CHD7: variants seen among roughly 807,000 people sequenced by gnomAD.
CHD7 encodes the protein chromodomain helicase DNA binding protein 7.
Under a neutral mutation model 307.3 loss-of-function variants are expected in CHD7, and 24 were observed. That is an observed-to-expected ratio of 0.08 (90% CI 0.06 to 0.11). The LOEUF (loss-of-function observed/expected upper bound fraction) is 0.11. Ranked by LOEUF, CHD7 falls within the 10% of genes least tolerant of loss-of-function variation. The pLI is 1.00. For synonymous variants in CHD7, 1,363 were observed against 1,349.9 expected (o/e 1.01, Z -0.21); for missense variants, 3,106 against 3,727.1 (o/e 0.83, Z 4.34).
intron 23 of CHD7, among the ~76,000 whole-genome samples, chr8:60,846,810 C>A (rs566612522): frequency 6.6e-6 from 1 of 152,312 alleles, no homozygotes; most frequent in South Asian, 2.1e-4. Flanking sequence ...AGTTGAGTAA[C>A]CTCCTCAAGG....
At chr8:60,782,241 A>G (rs1264867822) in intron 3 of CHD7, among the ~76,000 whole-genome samples, 1 of 152,170 alleles carries the variant, frequency 6.6e-6, no homozygotes, top group East Asian at 1.9e-4. Flanking sequence ...GTTAATCCGA[A>G]TCTGTTTGCA....
At chr8:60,848,906 C>G (rs2150801286) in intron 24 of CHD7, 145 bp from the exon 25 acceptor site, 1 of 707,470 alleles carries the variant, frequency 1.4e-6, no homozygotes, top group South Asian at 1.7e-5. Context: ...GCTACTGACT[C>G]ATGCCCTTTC....
chr8:60,678,958 G>A lies in CHD7; in HGVS notation c.-299G>A. On this transcript the variant is annotated 5_prime_UTR_variant, in exon 1 of 38. Coordinates refer to ENST00000423902, the MANE Select transcript of CHD7 (RefSeq NM_017780.4). ...CCTGAAACTCACCAGAGACCCGTTC[G>A]CCCCCGGCCAACTCCGTGCCCGTGG... The A allele has an allele frequency of 6.6e-6, 1 of 151,904 alleles. No homozygotes were observed. The highest frequency in any genetic ancestry group is 2.0e-4 in the South Asian group (1 of 5,110). The allele number at this position is 151,904 out of a possible 1,614,324, so 9.4% of individuals were successfully genotyped here.
At chr8:60,779,278 C>A (rs1311286264) in intron 2 of CHD7, among the ~76,000 whole-genome samples, 2 of 152,140 alleles carry the variant, frequency 1.3e-5, no homozygotes, top group Non-Finnish European at 2.9e-5. Flanking sequence ...GAATTTTAAT[C>A]TCTTAACTCA....
intron 14 of CHD7, among the ~76,000 whole-genome samples, 190 bp from the exon 15 acceptor site, chr8:60,830,132 A>G (rs1030045938): frequency 6.6e-6 from 1 of 152,234 alleles, no homozygotes; most frequent in Non-Finnish European, 1.5e-5. Context: ...TTCATTTGAC[A>G]TAAAATTATG....
Position 60,865,299 on chromosome 8 carries a change from G to C in CHD7, c.8360G>C (p.Gly2787Ala). 1 of 1,610,648 alleles carries C rather than the reference G, an allele frequency of 6.2e-7. No individual in the cohort carries two copies. The change falls in exon 38 of 38, where the codon GGC becomes GCC. Residue 2787 changes from glycine (G) to alanine (A), a missense_variant. Transcript: ENST00000423902. The surrounding 1 kb of genome is among the most constrained non-coding windows in gnomAD (Gnocchi z 4.3). ...CTGGCAACAGCTGCCACCGCCGGAG[G>C]CGATGCGAAGAACCCTGCTGCTGTG... ...PGLATAATAGGDAKNPAAVLP... is the reference protein window; with the variant it reads ...PGLATAATAGADAKNPAAVLP...
At chr8:60,848,783 G>A (rs1290080648) in intron 24 of CHD7, among the ~76,000 whole-genome samples, 179 bp downstream of exon 24, 1 of 152,144 alleles carries the variant, frequency 6.6e-6, no homozygotes, top group East Asian at 1.9e-4. Context: ...GGAAAAGGCT[G>A]TTTGCATTTA....
intron 2 of CHD7, among the ~76,000 whole-genome samples, chr8:60,747,100 G>A (rs767279984): frequency 7.9e-5 from 12 of 152,076 alleles, no homozygotes; most frequent in Non-Finnish European, 1.5e-4. Context: ...TTTTTGAGAC[G>A]GAGTCTTACT....
rs542880173 is a variant in CHD7, at chr8:60,854,438, G to A, written c.6851G>A (p.Arg2284Gln). 5.6e-6 allele frequency: 9 copies of A among 1,613,708 alleles called. No homozygotes were observed. Among genetic ancestry groups the A allele is most frequent in the Admixed American group, 1.7e-5 (1 of 59,994 alleles). Residue 2284 changes from arginine to glutamine, a missense_variant, in exon 32 of 38, where the codon CGA becomes CAA. Arg to Gln is a conservative substitution (Grantham distance 43). This residue lies in a region of CHD7 where 1,030 missense variants were observed against 1,165.4 expected (regional missense o/e 0.88). Transcript: ENST00000423902. ...ATGAGCACTGCTAGAGATGAAACCC[G>A]AGATGGATTCTACATGGAGGACGGA... ...ASMSTARDET[R>Q]DGFYMEDGDP...
At chr8:60,855,870 A>C in intron 32 of CHD7, 105 bp from the exon 33 acceptor site, 3 of 721,042 alleles carry the variant, frequency 4.2e-6, no homozygotes, top group South Asian at 3.8e-5. Flanking sequence ...CCTCCAGTTG[A>C]CTTTTAAACA....
chr8:60,683,122 G>T (rs534186876), intron 1 of CHD7, among the ~76,000 whole-genome samples: 6 of 152,294 alleles, frequency 3.9e-5, no homozygotes, highest in Non-Finnish European at 8.8e-5. Flanking sequence ...TGGAAATTCA[G>T]AATTTAGCAT....
At chr8:60,709,892 T>A (rs942846201) in intron 1 of CHD7, among the ~76,000 whole-genome samples, 9 of 152,214 alleles carry the variant, frequency 5.9e-5, no homozygotes, top group African/African-American at 2.2e-4. Flanking sequence ...TGTCTTATAG[T>A]AATAATTTGT....
chr8:60,723,925 A>C (rs907530413), intron 1 of CHD7, among the ~76,000 whole-genome samples: 1 of 152,268 alleles, frequency 6.6e-6, no homozygotes, highest in Admixed American at 6.5e-5. Flanking sequence ...CACAGGACCC[A>C]GCACCATGCA....
rs746633621 is a variant in CHD7, at chr8:60,781,061, C to T, written c.1727C>T (p.Pro576Leu). 2.7e-5 allele frequency: 44 copies of T among 1,609,328 alleles called. No individual in the cohort carries two copies. The highest frequency in any genetic ancestry group is 6.7e-5 in the Admixed American group (4 of 59,274). Reference protein sequence around the residue: ...PVPDMTQVSGPNAQLVKSDDY... With the variant: ...PVPDMTQVSGLNAQLVKSDDY... Reference sequence around the variant, plus strand: ...CCGGATATGACTCAGGTTAGTGGACCGAATGCTCAGCTAGTGAAGAGTGAT... The same window carrying T: ...CCGGATATGACTCAGGTTAGTGGACTGAATGCTCAGCTAGTGAAGAGTGAT... Residue 576 changes from proline (P) to leucine (L), a missense_variant, in exon 3 of 38, where the codon CCG (proline) becomes CTG (leucine). This residue lies in a region of CHD7 where 998 missense variants were observed against 1,004.5 expected (regional missense o/e 0.99). Transcript: ENST00000423902.
intron 15 of CHD7, among the ~76,000 whole-genome samples, chr8:60,832,090 C>T (rs780313849): frequency 1.3e-5 from 2 of 152,072 alleles, no homozygotes; most frequent in African/African-American, 2.4e-5. Flanking sequence ...GGCACGATCT[C>T]GGCTCACTGC....
At chr8:60,723,978 C>T (rs760582001) in intron 1 of CHD7, among the ~76,000 whole-genome samples, 8 of 152,210 alleles carry the variant, frequency 5.3e-5, no homozygotes, top group Non-Finnish European at 1.0e-4. Context: ...TCCTCACCTC[C>T]GCTCTGCCAC....
At chr8:60,831,953 T>A (rs1453832978) in intron 15 of CHD7, among the ~76,000 whole-genome samples, 1 of 152,184 alleles carries the variant, frequency 6.6e-6, no homozygotes, top group Non-Finnish European at 1.5e-5. Flanking sequence ...GAAGATAGTC[T>A]TAGAGTGTTG....
rs376838290 is a variant in CHD7 at position 60,710,377 on chromosome 8, C to T, written c.-174-30882C>T. Among the ~76,000 whole-genome samples, 12 of 152,200 alleles carry T rather than the reference C, an allele frequency of 7.9e-5. 1 individual carries two copies. The South Asian group carries it at 1.9e-3, about 24-fold the overall frequency. On this transcript the variant is annotated intron_variant, in intron 1 of 37. Transcript: ENST00000423902. Reference sequence around the variant, plus strand: ...TGCCTGCAATGCACACAGTTATGTACGGTGTCGATTCACTCAAGACACCCC... The same window carrying T: ...TGCCTGCAATGCACACAGTTATGTATGGTGTCGATTCACTCAAGACACCCC...
intron 16 of CHD7, 137 bp from the exon 17 acceptor site, chr8:60,836,680 G>T (rs1044366035): frequency 3.4e-6 from 2 of 582,946 alleles, no homozygotes; most frequent in African/African-American, 1.9e-5. Flanking sequence ...AACCCTATTT[G>T]CTCTGAGATT....
Sources: gnomAD v4.1 joint callset for allele counts (sites outside exome capture counted in the v4.1 genomes callset) on GRCh38, gnomAD v4.1.1 for gene constraint, gnomAD v4.1.1 regional missense constraint, Gnocchi (gnomAD v3.1) non-coding constraint, MANE v1.5 for transcripts, NCBI Gene and HGNC (gene_info 2026-07-23, HGNC 2026-07-21) for gene names.